SLC6A11: variants seen among roughly 807,000 people sequenced by gnomAD.
SLC6A11 encodes the protein solute carrier family 6 member 11, also known as sodium- and chloride-dependent GABA transporter 3.
Under a neutral mutation model 74.8 loss-of-function variants are expected in SLC6A11, and 25 were observed. The ratio of observed to expected loss-of-function variants is 0.33; its 90% CI spans 0.24 to 0.47. The LOEUF is 0.47. Ranked by LOEUF, SLC6A11 falls within the 20% of genes least tolerant of loss-of-function variation. SLC6A11 has a pLI of 1.00. For missense variants in SLC6A11, 574 were observed against 837.0 expected, an observed-to-expected ratio of 0.69 and a Z score of 3.88; for synonymous variants, 330 against 330.2, an observed-to-expected ratio of 1.00 and a Z score of 0.01.
chr3:10,878,130 T>G lies in SLC6A11; in HGVS notation c.891+3035T>G, dbSNP rs185567585. Among the ~76,000 whole-genome samples, 531 of 152,304 alleles carry G rather than the reference T, an allele frequency of 3.5e-3. 3 individuals carry two copies. The highest frequency in any genetic ancestry group is 5.4e-3 in the Admixed American group (82 of 15,300). ...ATGTAAATCCAATGGGCACCTCTTTTGCTTAAATTCTCCTGGGATTCCCTG... is the reference window on the plus strand; with the variant it reads ...ATGTAAATCCAATGGGCACCTCTTTGGCTTAAATTCTCCTGGGATTCCCTG... On this transcript the variant is annotated intron_variant, in intron 6 of 13. Coordinates refer to ENST00000254488, the MANE Select transcript of SLC6A11 (RefSeq NM_014229.3).
intron 3 of SLC6A11, among the ~76,000 whole-genome samples, chr3:10,820,548 C>T (rs1394916748): frequency 6.6e-6 from 1 of 152,176 alleles, no homozygotes; most frequent in African/African-American, 2.4e-5. Flanking sequence ...TCCAACCCAG[C>T]TGACATTTGA....
intron 6 of SLC6A11, among the ~76,000 whole-genome samples, chr3:10,891,240 A>G (rs1485977196): frequency 6.6e-6 from 1 of 152,208 alleles, no homozygotes; most frequent in East Asian, 1.9e-4. Flanking sequence ...CTTCCTTAAA[A>G]TGGATTTAAA....
intron 7 of SLC6A11, among the ~76,000 whole-genome samples, chr3:10,917,343 C>T (rs556398810): frequency 1.3e-5 from 2 of 152,282 alleles, no homozygotes; most frequent in South Asian, 2.1e-4. Context: ...ATGGCTGGCT[C>T]CTCATGCCTG....
intron 4 of SLC6A11, among the ~76,000 whole-genome samples, chr3:10,838,756 G>A (rs531921495): frequency 5.3e-5 from 8 of 152,220 alleles, no homozygotes; most frequent in African/African-American, 1.9e-4. Context: ...CTCAAAATAT[G>A]TATATATATC....
chr3:10,917,765 C>T (rs931053005), intron 7 of SLC6A11, among the ~76,000 whole-genome samples: 1 of 152,178 alleles, frequency 6.6e-6, no homozygotes. Context: ...AGGGGCTGCT[C>T]GCTCACAGCA....
At chr3:10,853,711 G>A (rs1694605081) in intron 5 of SLC6A11, among the ~76,000 whole-genome samples, 1 of 152,190 alleles carries the variant, frequency 6.6e-6, no homozygotes, top group Non-Finnish European at 1.5e-5. Flanking sequence ...GCCCACCCCG[G>A]TTATCCCACA....
rs56099322 is a variant in SLC6A11, at chr3:10,849,794, CAAAAAAAAAAA to C, written c.756+5466_756+5476del. On this transcript the variant is annotated intron_variant, in intron 5 of 13. Coordinates refer to ENST00000254488, the MANE Select transcript of SLC6A11 (RefSeq NM_014229.3). Reference sequence around the variant, plus strand: ...TATCTCTGTGCATACTTGTTGAAGCCAAAAAAAAAAAAAAAAAAAAAAAAAAAACGAAAAAA... The same window carrying C: ...TATCTCTGTGCATACTTGTTGAAGCCAAAAAAAAAAAAAAAAACGAAAAAA... Among the ~76,000 whole-genome samples the C allele has an allele frequency of 1.1e-4, 10 of 87,274 alleles. No individual in the cohort carries two copies. The South Asian group carries it at 1.6e-3, about 14-fold the overall frequency. 57.3% of individuals were successfully genotyped at this position (87,274 alleles called of 152,430 possible).
At chr3:10,873,780 GTCCTATCCTA>G (rs879748167) in intron 5 of SLC6A11, among the ~76,000 whole-genome samples, 14 of 126,582 alleles carry the variant, frequency 1.1e-4, no homozygotes, top group Admixed American at 3.3e-4. Flanking sequence ...GTCCTGTCCT[GTCCTATCCTA>G]TCCTATCCTA....
Position 10,859,870 on chromosome 3 carries a change from A to G in SLC6A11, c.757-15091A>G, listed in dbSNP as rs535299181. 2.0e-4 allele frequency among the ~76,000 whole-genome samples: 30 copies of G among 152,202 alleles called. 1 individual carries two copies. Among genetic ancestry groups the G allele is most frequent in the African/African-American group, 7.2e-4 (30 of 41,464 alleles). ...TTAATCTACTATCCACTGCTTTAAC[A>G]TTATTCCTGTGTGACACGTGGAATA... is the stretch of plus-strand genomic sequence containing the variant. On this transcript the variant is annotated intron_variant, in intron 5 of 13. Coordinates refer to ENST00000254488, the MANE Select transcript of SLC6A11 (RefSeq NM_014229.3).
Position 10,877,881 on chromosome 3 carries a change from C to T in SLC6A11, c.891+2786C>T, listed in dbSNP as rs189603958. ...TTCTAGAAAAAGTTTGCTGACAGTG[C>T]ACTGGGGTACCCTCAGGGGCATGTG... On this transcript the variant is annotated intron_variant, in intron 6 of 13. Coordinates refer to ENST00000254488, the MANE Select transcript of SLC6A11 (RefSeq NM_014229.3). Among the ~76,000 whole-genome samples, 105 of 152,286 alleles carry T rather than the reference C, an allele frequency of 6.9e-4. 1 individual carries two copies. Among genetic ancestry groups the T allele is most frequent in the Admixed American group, 6.0e-3 (92 of 15,300 alleles).
At position 10,926,198 on chromosome 3, in the gene SLC6A11, C is replaced by T; in HGVS notation, c.1233+82C>T. ...CAGACGCCACCCTTAGGAGTGGCTCCCCAGGCCCAGCCACTCCCACCTGGC... is the reference window on the plus strand; with the variant it reads ...CAGACGCCACCCTTAGGAGTGGCTCTCCAGGCCCAGCCACTCCCACCTGGC... On this transcript the variant is annotated intron_variant, in intron 9 of 13. Coordinates refer to ENST00000254488, the MANE Select transcript of SLC6A11 (RefSeq NM_014229.3). The surrounding 1 kb of genome is among the most constrained non-coding windows in gnomAD (Gnocchi z 5.7). 1 of 847,148 alleles carries T rather than the reference C, an allele frequency of 1.2e-6. No individual in the cohort carries two copies. Among genetic ancestry groups the T allele is most frequent in the Admixed American group, 2.2e-5 (1 of 45,374 alleles). 52.5% of individuals were successfully genotyped at this position (847,148 alleles called of 1,614,324 possible).
At chr3:10,911,927 G>T (rs868548227) in intron 6 of SLC6A11, among the ~76,000 whole-genome samples, 163 bp from the exon 7 acceptor site, 1 of 152,182 alleles carries the variant, frequency 6.6e-6, no homozygotes, top group Non-Finnish European at 1.5e-5. Context: ...CCCAAGAATA[G>T]AACTCTTTTA....
At chr3:10,835,065 G>A (rs3774128) in intron 4 of SLC6A11, among the ~76,000 whole-genome samples, 7,000 of 152,240 alleles carry the variant, frequency 0.046, 248 homozygotes, top group South Asian at 0.13. Context: ...ATGCTCTCGC[G>A]CCTATCCTGG....
At chr3:10,878,910 C>T (rs1417651116) in intron 6 of SLC6A11, among the ~76,000 whole-genome samples, 1 of 152,062 alleles carries the variant, frequency 6.6e-6, no homozygotes, top group Non-Finnish European at 1.5e-5. Context: ...ACTTGTTGAA[C>T]AGGTATTTTC....
intron 6 of SLC6A11, among the ~76,000 whole-genome samples, chr3:10,877,564 A>C (rs1270250138): frequency 1.3e-5 from 2 of 152,168 alleles, no homozygotes; most frequent in Non-Finnish European, 2.9e-5. Flanking sequence ...TGCCTCCATG[A>C]TCAGCCACAA....
rs143524219 is a variant in SLC6A11, at chr3:10,864,481, C to T, written c.757-10480C>T. Among the ~76,000 whole-genome samples, 308 of 152,014 alleles carry T rather than the reference C, an allele frequency of 2.0e-3. 1 individual carries two copies. The highest frequency in any genetic ancestry group is 4.1e-3 in the African/African-American group (169 of 41,478). ...TTCCTCACCAGGTTCCTGGCACATC[C>T]GAAAGGTTGGAGATATTCGTTGACC... is the stretch of plus-strand genomic sequence containing the variant. On this transcript the variant is annotated intron_variant, in intron 5 of 13. Transcript: ENST00000254488.
intron 5 of SLC6A11, among the ~76,000 whole-genome samples, chr3:10,854,877 A>G (rs947373273): frequency 2.6e-5 from 4 of 152,236 alleles, no homozygotes; most frequent in African/African-American, 9.6e-5. Flanking sequence ...CCCGAAGGAC[A>G]GAGTGCCTGG....
At chr3:10,819,673 A>G (rs763383533) in intron 2 of SLC6A11, 39 bp from the exon 3 acceptor site, 3 of 1,611,206 alleles carry the variant, frequency 1.9e-6, no homozygotes, top group Admixed American at 1.7e-5. Flanking sequence ...TGTTTTGAAA[A>G]GATAGACTCA....
chr3:10,819,112 A>G (rs1364299090), intron 1 of SLC6A11, among the ~76,000 whole-genome samples: 1 of 152,222 alleles, frequency 6.6e-6, no homozygotes, highest in Non-Finnish European at 1.5e-5. Context: ...CAGGGAGGGA[A>G]TGAATTTGAC....
Sources: allele counts gnomAD v4.1 joint callset (sites outside exome capture counted in the v4.1 genomes callset), GRCh38; gene constraint gnomAD v4.1.1; non-coding constraint Gnocchi (gnomAD v3.1); transcripts MANE v1.5; gene names NCBI Gene and HGNC (gene_info 2026-07-23, HGNC 2026-07-21).